The following EPC1 variants were observed in gnomAD, a reference collection of about 807,000 sequenced individuals.
EPC1 encodes the protein enhancer of polycomb homolog 1.
In EPC1, 12 loss-of-function variants were observed where a neutral mutation model predicts 98.4. The observed-to-expected ratio is 0.12, with a 90% CI of 0.08 to 0.20. The LOEUF (loss-of-function observed/expected upper bound fraction) is 0.20. Ranked by LOEUF, EPC1 falls within the 10% of genes least tolerant of loss-of-function variation. The probability of loss-of-function intolerance (pLI) is 1.00; values close to 1 mark genes in which losing one functional copy is unlikely to be tolerated. For synonymous variants in EPC1, 357 were observed against 363.9 expected (o/e 0.98, Z 0.21); for missense variants, 729 against 990.5 (o/e 0.74, Z 3.54).
chr10:32,325,476 A>C (rs1455075288), intron 1 of EPC1, among the ~76,000 whole-genome samples: 1 of 152,196 alleles, frequency 6.6e-6, no homozygotes. Context: ...GAAGGGGCTA[A>C]TGGTTGCAAA....
chr10:32,303,965 A>G (rs559285288), intron 2 of EPC1, among the ~76,000 whole-genome samples: 1 of 152,384 alleles, frequency 6.6e-6, no homozygotes, highest in East Asian at 1.9e-4. Context: ...GGCAGCTAAC[A>G]CAAATTTAGC....
chr10:32,349,312 A>G (rs757508596), upstream of EPC1, among the ~76,000 whole-genome samples: 8 of 152,252 alleles, frequency 5.3e-5, no homozygotes, highest in Non-Finnish European at 1.0e-4. Context: ...CTATTTCCAC[A>G]TCCTACATTA....
chr10:32,301,673 T>C (rs1592570446), intron 2 of EPC1, among the ~76,000 whole-genome samples: 2 of 152,240 alleles, frequency 1.3e-5, no homozygotes, highest in Non-Finnish European at 1.5e-5. Flanking sequence ...AGCAATTCAA[T>C]AGAGGAAGGA....
intron 1 of EPC1, among the ~76,000 whole-genome samples, chr10:32,336,105 A>G (rs140346001): frequency 0.011 from 1,385 of 123,986 alleles, 23 homozygotes; most frequent in African/African-American, 0.046. Flanking sequence ...TTTTGCTCTT[A>G]TTGTCCAGGC....
At chr10:32,324,674 A>C (rs1564547498) in intron 1 of EPC1, among the ~76,000 whole-genome samples, 1 of 151,876 alleles carries the variant, frequency 6.6e-6, no homozygotes, top group African/African-American at 2.4e-5. Context: ...CTAATCTTAA[A>C]AAACAAACAA....
chr10:32,314,756 A>AACT (rs1424367182), intron 1 of EPC1, among the ~76,000 whole-genome samples: 1 of 152,234 alleles, frequency 6.6e-6, no homozygotes, highest in Non-Finnish European at 1.5e-5. Flanking sequence ...GAGTGACATT[A>AACT]ACTATCTGTA....
At chr10:32,279,904 A>G (rs796645933) in intron 10 of EPC1, among the ~76,000 whole-genome samples, 2 of 152,240 alleles carry the variant, frequency 1.3e-5, no homozygotes, top group African/African-American at 4.8e-5. Context: ...CTAGCCCCCA[A>G]AATTCCATAT....
At chr10:32,344,308 AT>A (rs1278143680) in intron 1 of EPC1, among the ~76,000 whole-genome samples, 2 of 152,156 alleles carry the variant, frequency 1.3e-5, no homozygotes, top group Non-Finnish European at 2.9e-5. Context: ...ACATTCTTCC[AT>A]TAGGTTCAGT....
chr10:32,365,630 T>G (rs1474852490), intron 1 of EPC1, among the ~76,000 whole-genome samples: 1 of 151,420 alleles, frequency 6.6e-6, no homozygotes, highest in Non-Finnish European at 1.5e-5. Context: ...CTGGCCAACA[T>G]GGTGAAACCC....
Position 32,339,858 on chromosome 10 carries a change from G to C in EPC1, c.153+6905C>G, listed in dbSNP as rs543753360. On this transcript the variant is annotated intron_variant, in intron 1 of 13. Transcript: ENST00000319778. ...ACTAAAGTTCTTTCAGTGACGTTAA[G>C]TGACTTGTCAATGGATACAAAATCA... 4.6e-5 allele frequency among the ~76,000 whole-genome samples: 7 copies of C among 152,310 alleles called. No individual in the cohort carries two copies. The South Asian group carries it at 6.2e-4, about 14-fold the overall frequency.
At chr10:32,290,348 T>C (rs1836923452) in intron 6 of EPC1, among the ~76,000 whole-genome samples, 1 of 150,760 alleles carries the variant, frequency 6.6e-6, no homozygotes, top group Non-Finnish European at 1.5e-5. Context: ...CCCAGCATGG[T>C]GGCGCGTGCT....
chr10:32,327,625 T>C (rs932718737), intron 1 of EPC1, among the ~76,000 whole-genome samples: 1 of 152,226 alleles, frequency 6.6e-6, no homozygotes, highest in Non-Finnish European at 1.5e-5. Flanking sequence ...TAGGTGACTG[T>C]ATCATGCAAA....
intron 1 of EPC1, among the ~76,000 whole-genome samples, chr10:32,327,110 AG>A (rs1837342452): frequency 1.3e-5 from 2 of 151,708 alleles, no homozygotes; most frequent in African/African-American, 4.8e-5. Context: ...AATAATATTC[AG>A]CTACAAAAAA....
rs1490594059 is a variant in EPC1, at chr10:32,268,142, A to C, written c.*921T>G. On this transcript the variant is annotated 3_prime_UTR_variant, in exon 14 of 14. Coordinates refer to ENST00000319778, the MANE Select transcript of EPC1 (RefSeq NM_001272004.3). ...AACAATTCGACAATAAAAAAGTACA[A>C]TTTTTTTTGTGCTAAAAAAAGGGCA... 5 of 151,984 alleles carry C rather than the reference A, an allele frequency of 3.3e-5. No homozygotes were observed. The highest frequency in any genetic ancestry group is 5.9e-5 in the Non-Finnish European group (4 of 67,986). The allele number at this position is 151,984 out of a possible 1,614,324, so 9.4% of individuals were successfully genotyped here.
intron 6 of EPC1, among the ~76,000 whole-genome samples, chr10:32,289,846 G>A (rs1233996640): frequency 2.0e-5 from 3 of 151,820 alleles, no homozygotes; most frequent in East Asian, 1.9e-4. Context: ...GGATGGTCTC[G>A]ATCTCCTGAC....
At chr10:32,298,456 A>G (rs1273141437) in intron 2 of EPC1, among the ~76,000 whole-genome samples, 1 of 152,222 alleles carries the variant, frequency 6.6e-6, no homozygotes, top group African/African-American at 2.4e-5. Context: ...CCAAGGTTGA[A>G]GAAAAATTGT....
chr10:32,288,417 T>C (rs1836813299), intron 6 of EPC1, among the ~76,000 whole-genome samples: 1 of 150,186 alleles, frequency 6.7e-6, no homozygotes, highest in East Asian at 2.0e-4. Context: ...CAGGTTCAAG[T>C]GATTCTCCTG....
At chr10:32,305,626 A>C (rs1030049718) in intron 2 of EPC1, 146 bp downstream of exon 2, 18 of 478,532 alleles carry the variant, frequency 3.8e-5, no homozygotes, top group Non-Finnish European at 4.4e-5. Flanking sequence ...ATCATTTTAA[A>C]AGTTGAAAAT....
In EPC1 at chr10:32,346,513, G is replaced by A. The variant is rs368090898; in HGVS notation, c.153+250C>T. 323 of 499,688 alleles carry A rather than the reference G, an allele frequency of 6.5e-4. 2 individuals carry two copies. In the East Asian group the frequency reaches 0.011, roughly 17 times the overall value. The allele number at this position is 499,688 out of a possible 1,614,324, so 31.0% of individuals were successfully genotyped here. ...CACGTGACCCCTTTGTGCCTTTCGG[G>A]CCCCCGAACTCCGCGGGACCCGGGT... On this transcript the variant is annotated intron_variant, in intron 1 of 13. Transcript: ENST00000319778.
Sources: gnomAD v4.1 joint callset for allele counts (sites outside exome capture counted in the v4.1 genomes callset) on GRCh38, gnomAD v4.1.1 for gene constraint, MANE v1.5 for transcripts, NCBI Gene and HGNC (gene_info 2026-07-23, HGNC 2026-07-21) for gene names.